Variants in AFG2A observed in about 807,000 individuals in gnomAD.
AFG2A encodes ATPase family gene 2 protein homolog A.
the AFG2A span, among the ~76,000 whole-genome samples, chr4:122,963,255 A>G: frequency 2.2e-4 from 33 of 152,344 alleles, 1 homozygote; most frequent in South Asian, 6.2e-3. Flanking sequence ...GGGTGCATTC[A>G]GAATGCTAAT....
the AFG2A span, among the ~76,000 whole-genome samples, chr4:122,958,940 AT>A: frequency 6.6e-6 from 1 of 152,170 alleles, no homozygotes; most frequent in Non-Finnish European, 1.5e-5. Context: ...GTGACTGGAC[AT>A]TTGATTCGCT....
At chr4:123,075,573 A>C in the AFG2A span, among the ~76,000 whole-genome samples, 1 of 152,054 alleles carries the variant, frequency 6.6e-6, no homozygotes, top group South Asian at 2.1e-4. Flanking sequence ...GTGCTGATTT[A>C]CCCATTCTTA....
At chr4:123,303,193 A>G in the AFG2A span, among the ~76,000 whole-genome samples, 1 of 152,208 alleles carries the variant, frequency 6.6e-6, no homozygotes, top group Non-Finnish European at 1.5e-5. Context: ...TGCTAGAACA[A>G]TGAAATAAAA....
the AFG2A span, among the ~76,000 whole-genome samples, chr4:122,945,502 G>A: frequency 6.6e-6 from 1 of 152,218 alleles, no homozygotes; most frequent in Non-Finnish European, 1.5e-5. Flanking sequence ...TCGGAAAAGC[G>A]CGGTATTAGG....
At chr4:123,259,511 G>A in the AFG2A span, among the ~76,000 whole-genome samples, 10 of 152,164 alleles carry the variant, frequency 6.6e-5, no homozygotes, top group African/African-American at 2.4e-4. Flanking sequence ...TGTGGCTATG[G>A]CCCTCATTGT....
At chr4:122,968,203 G>C in the AFG2A span, among the ~76,000 whole-genome samples, 1 of 151,998 alleles carries the variant, frequency 6.6e-6, no homozygotes, top group Non-Finnish European at 1.5e-5. Flanking sequence ...ATCCCTCAAT[G>C]TTATTTAAAC....
At chr4:123,259,558 A>T in the AFG2A span, among the ~76,000 whole-genome samples, 2 of 152,214 alleles carry the variant, frequency 1.3e-5, no homozygotes, top group South Asian at 4.1e-4. Flanking sequence ...TTAATGAAAA[A>T]ACATGTGCCA....
chr4:122,937,856 T>C, the AFG2A span, among the ~76,000 whole-genome samples: 1 of 152,076 alleles, frequency 6.6e-6, no homozygotes, highest in Non-Finnish European at 1.5e-5. Flanking sequence ...CTGGGGAGAG[T>C]TCTTAAGAGA....
the AFG2A span, among the ~76,000 whole-genome samples, chr4:122,936,792 T>C: frequency 0.057 from 8,608 of 152,168 alleles, 762 homozygotes; most frequent in African/African-American, 0.19. Flanking sequence ...CCAGCCTGGC[T>C]AACATAGTGA....
chr4:123,146,743 A>G, the AFG2A span, among the ~76,000 whole-genome samples: 1 of 152,054 alleles, frequency 6.6e-6, no homozygotes, highest in Non-Finnish European at 1.5e-5. Flanking sequence ...CCAAGCCTCC[A>G]ATATTTTTAT....
the AFG2A span, among the ~76,000 whole-genome samples, chr4:123,141,597 GATGTTCA>G: frequency 6.6e-6 from 1 of 152,218 alleles, no homozygotes; most frequent in Non-Finnish European, 1.5e-5. Flanking sequence ...GCTAAGCTAT[GATGTTCA>G]GTAGGGTAGG....
the AFG2A span, among the ~76,000 whole-genome samples, chr4:123,202,754 A>G: frequency 5.7e-4 from 87 of 152,312 alleles, 2 homozygotes; most frequent in Middle Eastern, 0.014. Flanking sequence ...ATATTTGATC[A>G]CCACAAGGAA....
chr4:123,045,304 G>A, the AFG2A span, among the ~76,000 whole-genome samples: 2 of 86,666 alleles, frequency 2.3e-5, no homozygotes, highest in Non-Finnish European at 5.4e-5. Context: ...GAATACTTCA[G>A]TGCGTATTTC....
chr4:123,045,187 A>G, the AFG2A span, among the ~76,000 whole-genome samples: 5 of 145,968 alleles, frequency 3.4e-5, no homozygotes, highest in East Asian at 6.0e-4. Context: ...TGTTTCTTCT[A>G]TTTCTTTAAG....
chr4:123,212,002 C>T, the AFG2A span, among the ~76,000 whole-genome samples: 1 of 152,034 alleles, frequency 6.6e-6, no homozygotes, highest in Non-Finnish European at 1.5e-5. Flanking sequence ...AAGGTGGGAA[C>T]AAGATTTTGG....
At chr4:123,207,463 G>A in the AFG2A span, among the ~76,000 whole-genome samples, 914 of 151,998 alleles carry the variant, frequency 6.0e-3, 11 homozygotes, top group African/African-American at 0.02. Context: ...ACAGGCACAC[G>A]CCACCACACC....
the AFG2A span, among the ~76,000 whole-genome samples, chr4:123,269,050 T>C: frequency 6.6e-6 from 1 of 152,208 alleles, no homozygotes. Flanking sequence ...AACCATCATA[T>C]ATTCTTTTCA....
At chr4:123,067,428 A>C in the AFG2A span, among the ~76,000 whole-genome samples, 1 of 152,014 alleles carries the variant, frequency 6.6e-6, no homozygotes, top group Admixed American at 6.6e-5. Context: ...GAGGCAGGGG[A>C]ATCGCTTGAA....
chr4:123,151,262 T>A, the AFG2A span, among the ~76,000 whole-genome samples: 30 of 151,958 alleles, frequency 2.0e-4, no homozygotes, highest in African/African-American at 7.3e-4. Context: ...AAGCCAAAAT[T>A]GACAAATGGG....
Sources: allele counts gnomAD v4.1 joint callset (sites outside exome capture counted in the v4.1 genomes callset), GRCh38; gene constraint gnomAD v4.1.1; transcripts MANE v1.5; gene names NCBI Gene and HGNC (gene_info 2026-07-23, HGNC 2026-07-21).